Variants in ADAM29 observed in about 807,000 individuals in gnomAD.
The protein encoded by ADAM29 is disintegrin and metalloproteinase domain-containing protein 29.
For synonymous variants in ADAM29, 367 were observed against 342.3 expected (o/e 1.07, Z -0.80); for missense variants, 969 against 1,001.8 (o/e 0.97, Z 0.44).
At chr4:174,953,900 T>G (rs1745337193) in intron 4 of ADAM29, among the ~76,000 whole-genome samples, 1 of 152,098 alleles carries the variant, frequency 6.6e-6, no homozygotes, top group South Asian at 2.1e-4. Flanking sequence ...TTAGTAGAGA[T>G]GGGGTTTCAC....
chr4:174,955,609 A>G (rs1043846896), intron 4 of ADAM29, among the ~76,000 whole-genome samples: 6 of 152,058 alleles, frequency 3.9e-5, no homozygotes, highest in African/African-American at 1.4e-4. Flanking sequence ...TTTCAGCTGT[A>G]TAAGATCTCA....
At chr4:174,921,059 A>C (rs1218677180) in intron 2 of ADAM29, among the ~76,000 whole-genome samples, 1 of 152,118 alleles carries the variant, frequency 6.6e-6, no homozygotes. Context: ...ATATTATACT[A>C]TGCCAGTCTT....
intron 4 of ADAM29, among the ~76,000 whole-genome samples, chr4:174,967,408 A>G (rs1465557521): frequency 1.3e-5 from 2 of 152,088 alleles, no homozygotes; most frequent in Non-Finnish European, 2.9e-5. Flanking sequence ...GTGTCTGAAT[A>G]CTTCATTTAT....
chr4:174,953,942 C>T (rs1211654481), intron 4 of ADAM29, among the ~76,000 whole-genome samples: 1 of 152,148 alleles, frequency 6.6e-6, no homozygotes, highest in Non-Finnish European at 1.5e-5. Context: ...GAACTTCTGA[C>T]CTCCAATGAT....
At chr4:174,940,487 C>A (rs1470305258) in intron 4 of ADAM29, among the ~76,000 whole-genome samples, 2 of 152,056 alleles carry the variant, frequency 1.3e-5, no homozygotes, top group African/African-American at 2.4e-5. Flanking sequence ...ATTTTTACAG[C>A]CTTTATCTGC....
chr4:174,955,366 AC>A (rs1285588248), intron 4 of ADAM29, among the ~76,000 whole-genome samples: 2 of 152,116 alleles, frequency 1.3e-5, no homozygotes, highest in African/African-American at 4.8e-5. Flanking sequence ...ATTAACAAAA[AC>A]AAAAACCACT....
intron 4 of ADAM29, among the ~76,000 whole-genome samples, chr4:174,962,385 G>A (rs1440857963): frequency 4.6e-5 from 7 of 151,790 alleles, no homozygotes; most frequent in African/African-American, 7.3e-5. Flanking sequence ...GGTGGGGGGC[G>A]CCTGTAGTCC....
At chr4:174,919,407 C>T (rs977243558) in intron 1 of ADAM29, among the ~76,000 whole-genome samples, 1 of 152,050 alleles carries the variant, frequency 6.6e-6, no homozygotes, top group African/African-American at 2.4e-5. Context: ...CAGAGTTAGG[C>T]GCAAAAAGCA....
chr4:174,956,945 A>G lies in ADAM29; in HGVS notation c.-180-18401A>G, dbSNP rs566553527. Among the ~76,000 whole-genome samples the G allele has an allele frequency of 8.6e-5, 13 of 152,046 alleles. No homozygotes were observed. In the South Asian group the frequency reaches 2.7e-3, roughly 31 times the overall value. ...AACATGATGCTTTGTAAATCAGCAT[A>G]GTCAAATATGAAAGACTGATCCACT... On this transcript the variant is annotated intron_variant, in intron 4 of 4. Transcript: ENST00000359240.
At chr4:174,963,922 A>G (rs571836831) in intron 4 of ADAM29, among the ~76,000 whole-genome samples, 300 of 151,928 alleles carry the variant, frequency 2.0e-3, no homozygotes, top group African/African-American at 7.0e-3. Context: ...GCCTGCCTCA[A>G]CCTCCCAAAG....
intron 4 of ADAM29, among the ~76,000 whole-genome samples, chr4:174,954,841 G>T (rs915135984): frequency 6.6e-6 from 1 of 151,986 alleles, no homozygotes; most frequent in African/African-American, 2.4e-5. Context: ...TAATCATTTT[G>T]CTCCTATGTC....
rs1331350507 is a variant in ADAM29 at position 174,978,167 on chromosome 4, A to C, written c.*179A>C. 9.9e-7 allele frequency: 1 copy of C among 1,012,520 alleles called. No homozygotes were observed. The highest frequency in any genetic ancestry group is 1.5e-6 in the Non-Finnish European group (1 of 688,616). 62.7% of individuals were successfully genotyped at this position (1,012,520 alleles called of 1,614,324 possible). A position where few individuals can be genotyped will look rare whatever the true frequency, so the allele number is the denominator to read the frequency against. The stretch of plus-strand genomic sequence containing the variant: ...GTATCCAGAAAAGGTACATTAAAAA[A>C]ATAATTCCTAGTATGTTTCTACTTA... On this transcript the variant is annotated 3_prime_UTR_variant, in exon 5 of 5. Transcript: ENST00000359240.
At chr4:174,933,849 T>G (rs190863114) in intron 3 of ADAM29, among the ~76,000 whole-genome samples, 1 of 152,326 alleles carries the variant, frequency 6.6e-6, no homozygotes, top group Non-Finnish European at 1.5e-5. Context: ...GGTGCACATG[T>G]ACCTCATTTT....
chr4:174,938,808 G>T (rs1190799822), intron 4 of ADAM29, among the ~76,000 whole-genome samples: 1 of 152,114 alleles, frequency 6.6e-6, no homozygotes, highest in Non-Finnish European at 1.5e-5. Context: ...CAAAATGTTG[G>T]AGTTGAAGAG....
intron 4 of ADAM29, among the ~76,000 whole-genome samples, chr4:174,963,853 T>A (rs62332297): frequency 1.3e-5 from 2 of 152,046 alleles, no homozygotes; most frequent in Non-Finnish European, 2.9e-5. Context: ...AGCTAAGTTT[T>A]GCATTTTTAG....
intron 4 of ADAM29, among the ~76,000 whole-genome samples, chr4:174,950,108 A>G (rs1426656849): frequency 1.3e-5 from 2 of 152,200 alleles, no homozygotes; most frequent in African/African-American, 2.4e-5. Context: ...AACAAATAAA[A>G]TAAGTAAAAG....
intron 2 of ADAM29, among the ~76,000 whole-genome samples, chr4:174,926,494 A>G (rs146621152): frequency 6.6e-6 from 1 of 152,100 alleles, no homozygotes; most frequent in Non-Finnish European, 1.5e-5. Context: ...TTAAACTCAG[A>G]GTATTGACAC....
rs1477268567 is a variant in ADAM29 at position 174,978,111 on chromosome 4, AC to A, written c.*124del. The A allele has an allele frequency of 6.8e-7, 1 of 1,479,498 alleles. No individual in the cohort carries two copies. Among genetic ancestry groups the A allele is most frequent in the African/African-American group, 1.4e-5 (1 of 71,166 alleles). 91.6% of individuals were successfully genotyped at this position (1,479,498 alleles called of 1,614,324 possible). A position where few individuals can be genotyped will look rare whatever the true frequency, so the allele number is the denominator to read the frequency against. ...CACCTTACCGGAGTAAAAGTGGTAA[AC>A]AAAAGCAATCAGTACCAATTCCAAA... On this transcript the variant is annotated 3_prime_UTR_variant, in exon 5 of 5. Coordinates refer to ENST00000359240, the MANE Select transcript of ADAM29 (RefSeq NM_014269.4).
chr4:174,973,620 G>C (rs760592948), intron 4 of ADAM29, among the ~76,000 whole-genome samples: 1 of 152,152 alleles, frequency 6.6e-6, no homozygotes, highest in Non-Finnish European at 1.5e-5. Context: ...TCTATGTTTA[G>C]AGTATTTATA....
Sources: allele counts gnomAD v4.1 joint callset (sites outside exome capture counted in the v4.1 genomes callset), GRCh38; gene constraint gnomAD v4.1.1; transcripts MANE v1.5; gene names NCBI Gene and HGNC (gene_info 2026-07-23, HGNC 2026-07-21).